SEC31B: variants seen among roughly 807,000 people sequenced by gnomAD.
SEC31B encodes SEC31 homolog B, COPII component, also known as protein transport protein Sec31B.
SEC31B carries 113 observed loss-of-function variants against 135.0 expected under a neutral mutation model. The observed-to-expected ratio is 0.84, with a 90% CI of 0.72 to 0.98. The LOEUF (loss-of-function observed/expected upper bound fraction) is 0.98. SEC31B is among the 50% of genes least tolerant of loss of function. The pLI is 0.00. For synonymous variants in SEC31B, 508 were observed against 549.4 expected, an observed-to-expected ratio of 0.92 and a Z score of 1.05; for missense variants, 1,296 against 1,421.1, an observed-to-expected ratio of 0.91 and a Z score of 1.42.
intron 10 of SEC31B, among the ~76,000 whole-genome samples, chr10:100,504,684 A>G (rs947248616): frequency 6.6e-6 from 1 of 152,116 alleles, no homozygotes; most frequent in Non-Finnish European, 1.5e-5. Flanking sequence ...CCAAAGTATA[A>G]GTCTGTGGGA....
chr10:100,509,241 G>A (rs1269505805), intron 4 of SEC31B, 75 bp downstream of exon 4: 2 of 1,516,110 alleles, frequency 1.3e-6, no homozygotes, highest in Non-Finnish European at 9.1e-7. Context: ...ACAGACTGGA[G>A]GCCACAAATG....
At position 100,502,372 on chromosome 10, in the gene SEC31B, AG is replaced by A. The variant is rs1171261690; in HGVS notation, c.1291del (p.Leu431Ter). 1 of 1,614,224 alleles carries A rather than the reference AG, an allele frequency of 6.2e-7. No individual in the cohort carries two copies. The highest frequency in any genetic ancestry group is 1.7e-5 in the Admixed American group (1 of 60,028). ...ISQVTTESEF[L>X]MRSAELQEAL... is the part of the protein sequence containing the mutation. ...CTCCTGCAGCTCAGCTGATCGCATC[AG>A]GAATTCAGATTCTGTGGTGACTTGA... On this transcript the variant is annotated frameshift_variant, in exon 11 of 26. Transcript: ENST00000370345. LOFTEE classifies it high-confidence loss of function.
intron 3 of SEC31B, among the ~76,000 whole-genome samples, chr10:100,514,850 G>A (rs1167928507): frequency 3.3e-5 from 5 of 151,064 alleles, no homozygotes; most frequent in East Asian, 3.9e-4. Flanking sequence ...GTGTGGTGGC[G>A]CGCACCTGTA....
At chr10:100,497,470 A>G in intron 16 of SEC31B, 190 bp from the exon 17 acceptor site, 1 of 1,471,308 alleles carries the variant, frequency 6.8e-7, no homozygotes, top group Non-Finnish European at 9.0e-7. Context: ...AAGGTAAAAC[A>G]GGACAACAAA....
Position 100,505,799 on chromosome 10 carries a change from G to A in SEC31B, c.1044+241C>T, listed in dbSNP as rs567563043. The A allele has an allele frequency of 1.5e-5, 21 of 1,429,676 alleles. No individual in the cohort carries two copies. In the South Asian group the frequency reaches 2.6e-4, roughly 18 times the overall value. The allele number at this position is 1,429,676 out of a possible 1,614,324, so 88.6% of individuals were successfully genotyped here. Reference sequence around the variant, plus strand: ...AACTGTCCCAGCAAAGGGGTCCCACGGTCCCTGAAATACTACAGGGCCCAT... The same window carrying A: ...AACTGTCCCAGCAAAGGGGTCCCACAGTCCCTGAAATACTACAGGGCCCAT... On this transcript the variant is annotated intron_variant, in intron 9 of 25. Transcript: ENST00000370345.
intron 5 of SEC31B, 41 bp from the exon 6 acceptor site, chr10:100,508,092 C>A (rs761098104): frequency 7.4e-6 from 12 of 1,611,008 alleles, no homozygotes; most frequent in Middle Eastern, 1.8e-4. Flanking sequence ...ACTTGTCACC[C>A]CCTGGACAAA....
At chr10:100,518,527 T>C (rs2133702668) in intron 1 of SEC31B, among the ~76,000 whole-genome samples, 1 of 152,334 alleles carries the variant, frequency 6.6e-6, no homozygotes, top group East Asian at 1.9e-4. Context: ...CGGCTTTTGT[T>C]CACCATGTTG....
intron 1 of SEC31B, among the ~76,000 whole-genome samples, 170 bp downstream of exon 1, chr10:100,519,612 T>C (rs1851915827): frequency 6.6e-6 from 1 of 152,054 alleles, no homozygotes; most frequent in Non-Finnish European, 1.5e-5. Flanking sequence ...AATTCAAGGG[T>C]AGACGTAGTG....
At chr10:100,499,638 A>C in intron 11 of SEC31B, 40 bp from the exon 12 acceptor site, 1 of 1,423,152 alleles carries the variant, frequency 7.0e-7, no homozygotes, top group Non-Finnish European at 9.8e-7. Flanking sequence ...CCATTAAATG[A>C]ACATAAATGA....
rs762433301 is a variant in SEC31B at position 100,496,253 on chromosome 10, C to A, written c.2310+5G>T. 6.2e-7 allele frequency: 1 copy of A among 1,613,696 alleles called. No individual in the cohort carries two copies. Among genetic ancestry groups the A allele is most frequent in the Admixed American group, 1.7e-5 (1 of 59,984 alleles). On this transcript the variant is annotated splice_donor_5th_base_variant and intron_variant, in intron 18 of 25. Coordinates refer to ENST00000370345, the MANE Select transcript of SEC31B (RefSeq NM_015490.4). ...GGTTTGCTCTCTCCACATGGCCCCA[C>A]TTACCTGAGCACAGTCCCTGGGTAG... is the stretch of plus-strand genomic sequence containing the variant.
intron 19 of SEC31B, among the ~76,000 whole-genome samples, chr10:100,493,860 G>A (rs1322639909): frequency 6.6e-6 from 1 of 152,108 alleles, no homozygotes. Context: ...ACACGGGGCG[G>A]GGTGTTGTTG....
At chr10:100,513,626 C>T (rs962943502) in intron 3 of SEC31B, among the ~76,000 whole-genome samples, 1 of 151,804 alleles carries the variant, frequency 6.6e-6, no homozygotes, top group African/African-American at 2.4e-5. Context: ...TGTGCCACCA[C>T]GCCCAGCTAA....
chr10:100,493,611 G>A (rs1851346386), intron 19 of SEC31B, among the ~76,000 whole-genome samples: 1 of 152,214 alleles, frequency 6.6e-6, no homozygotes, highest in South Asian at 2.1e-4. Context: ...GAGGGAGGCA[G>A]AATAAGTGCA....
chr10:100,500,029 G>A (rs1020075542), intron 11 of SEC31B: 23 of 456,078 alleles, frequency 5.0e-5, no homozygotes, highest in Non-Finnish European at 4.4e-5. Context: ...CAGGGACTCC[G>A]GAAGCTATGC....
intron 11 of SEC31B, among the ~76,000 whole-genome samples, chr10:100,500,856 T>C (rs969423488): frequency 6.6e-6 from 1 of 152,108 alleles, no homozygotes; most frequent in African/African-American, 2.4e-5. Context: ...CCCTTGGAAA[T>C]GTTCACCACA....
chr10:100,512,847 G>A (rs1186793884), intron 3 of SEC31B, among the ~76,000 whole-genome samples: 1 of 152,166 alleles, frequency 6.6e-6, no homozygotes, highest in Non-Finnish European at 1.5e-5. Context: ...AAGTTATCTG[G>A]TACAATCTCT....
Position 100,487,811 on chromosome 10 carries a change from C to A in SEC31B, c.3361-16G>T, listed in dbSNP as rs1436143731. The A allele has an allele frequency of 5.0e-6, 8 of 1,613,374 alleles. No individual in the cohort carries two copies. The highest frequency in any genetic ancestry group is 5.9e-6 in the Non-Finnish European group (7 of 1,179,916). On this transcript the variant is annotated splice_polypyrimidine_tract_variant and intron_variant, in intron 25 of 25. Transcript: ENST00000370345. ...GAGGTGAGAGCTGTGGAGGGAATGA[C>A]CCTTAGGTTAGTGAGCCCAACCCAG... is the stretch of plus-strand genomic sequence containing the variant.
rs1851409129 is a variant in SEC31B, at chr10:100,496,379, C to T, written c.2189G>A (p.Gly730Asp). 2 of 1,614,052 alleles carry T rather than the reference C, an allele frequency of 1.2e-6. No homozygotes were observed. Among genetic ancestry groups the T allele is most frequent in the Non-Finnish European group, 1.7e-6 (2 of 1,180,024 alleles). ...AGGGCCTGGGCTCACCCCATGAGGA[C>T]CCCGCAGTTGCTCCAAGCTCCTGTT... ...VLNRSLEQLR[G>D]PHGVSPGPAT... Residue 730 changes from glycine (G) to aspartate (D), a missense_variant, in exon 18 of 26, where the codon GGT becomes GAT. Transcript: ENST00000370345.
chr10:100,507,419 T>TGTCAGCAGGTA lies in SEC31B; in HGVS notation c.782+5_782+6insTACCTGCTGAC. 2 of 1,614,180 alleles carry TGTCAGCAGGTA rather than the reference T, an allele frequency of 1.2e-6. No individual in the cohort carries two copies. The highest frequency in any genetic ancestry group is 1.7e-5 in the Admixed American group (1 of 60,022). ...CCAAGGATATGGATGACGTCTGAGA[T>TGTCAGCAGGTA]GCTACCTGCTGTGGCTCTCCAGCAC... On this transcript the variant is annotated splice_donor_region_variant and intron_variant, in intron 7 of 25. Transcript: ENST00000370345.
Sources: gnomAD v4.1 joint callset for allele counts (sites outside exome capture counted in the v4.1 genomes callset) on GRCh38, gnomAD v4.1.1 for gene constraint, MANE v1.5 for transcripts, NCBI Gene and HGNC (gene_info 2026-07-23, HGNC 2026-07-21) for gene names.